SECISBP2L: variants seen among roughly 807,000 people sequenced by gnomAD.
SECISBP2L encodes selenocysteine insertion sequence-binding protein 2-like.
Under a neutral mutation model 114.7 loss-of-function variants are expected in SECISBP2L, and 43 were observed. The observed-to-expected ratio is 0.38, with a 90% CI of 0.29 to 0.48. The LOEUF is 0.48. Among genes scored for constraint, SECISBP2L ranks in the 20% least tolerant of loss-of-function variants. SECISBP2L has a pLI of 0.98. For synonymous variants in SECISBP2L, 451 were observed against 439.7 expected (o/e 1.03, Z -0.32); for missense variants, 1,136 against 1,301.1 (o/e 0.87, Z 1.95).
At chr15:49,015,513 A>G (rs1902519083) in intron 11 of SECISBP2L, among the ~76,000 whole-genome samples, 1 of 152,204 alleles carries the variant, frequency 6.6e-6, no homozygotes, top group Non-Finnish European at 1.5e-5. Flanking sequence ...ACACAGGATC[A>G]GAAGAAACAC....
rs756844146 is a variant in SECISBP2L, at chr15:49,035,473, T to C, written c.389A>G (p.Tyr130Cys). 6.8e-6 allele frequency: 11 copies of C among 1,613,848 alleles called. No homozygotes were observed. In the African/African-American group the frequency reaches 1.2e-4, roughly 18 times the overall value. ...MGFYHPFPTP[Y>C]SNTFQAANTV... ...ATTTGCAGCCTGAAAGGTGTTGGAG[T>C]AAGGTGTAGGAAAAGGATGATAGAA... Residue 130 changes from tyrosine (Y) to cysteine (C), a missense_variant, in exon 3 of 18, where the codon TAC (tyrosine) becomes TGC (cysteine). This residue lies in a region of SECISBP2L where 452 missense variants were observed against 452.3 expected (regional missense o/e 1.00). Coordinates refer to ENST00000559471, the MANE Select transcript of SECISBP2L (RefSeq NM_001193489.2).
At chr15:49,033,887 AT>A (rs1426571401) in intron 3 of SECISBP2L, among the ~76,000 whole-genome samples, 2 of 152,202 alleles carry the variant, frequency 1.3e-5, no homozygotes, top group Non-Finnish European at 2.9e-5. Context: ...ACTTTTAAAA[AT>A]ATAAGTATTC....
chr15:49,005,380 G>C (rs1902296090), intron 14 of SECISBP2L, among the ~76,000 whole-genome samples: 2 of 152,002 alleles, frequency 1.3e-5, no homozygotes, highest in South Asian at 2.1e-4. Context: ...TCTCTCTGTA[G>C]GTCTCTAAGG....
At chr15:49,020,532 G>A (rs954858522) in intron 7 of SECISBP2L, among the ~76,000 whole-genome samples, 1 of 151,204 alleles carries the variant, frequency 6.6e-6, no homozygotes, top group Non-Finnish European at 1.5e-5. Context: ...TTTTCAGTTA[G>A]GATCTTACTC....
Position 49,034,669 on chromosome 15 carries a change from G to GTTTTTTTTTTTT in SECISBP2L, c.528+653_528+664dup, listed in dbSNP as rs58267682. Among the ~76,000 whole-genome samples the GTTTTTTTTTTTT allele has an allele frequency of 7.6e-5, 10 of 132,128 alleles. 1 individual carries two copies. Among genetic ancestry groups the GTTTTTTTTTTTT allele is most frequent in the Non-Finnish European group, 9.5e-5 (6 of 63,380 alleles). 86.7% of individuals were successfully genotyped at this position (132,128 alleles called of 152,430 possible). On this transcript the variant is annotated intron_variant, in intron 3 of 17. Coordinates refer to ENST00000559471, the MANE Select transcript of SECISBP2L (RefSeq NM_001193489.2). ...TTTGAAGATTGAAAGTATATCTTTT[G>GTTTTTTTTTTTT]TTTTTTTTTTTTTGAGACAGGGTGT...
chr15:49,042,713 T>G (rs1903166658), intron 1 of SECISBP2L: 1 of 152,200 alleles, frequency 6.6e-6, no homozygotes. Context: ...CTACTTTTTA[T>G]TCTTTTTTGA....
chr15:49,025,856 A>C (rs1902730568), intron 7 of SECISBP2L, among the ~76,000 whole-genome samples: 1 of 152,210 alleles, frequency 6.6e-6, no homozygotes, highest in African/African-American at 2.4e-5. Flanking sequence ...AAGAACTGCC[A>C]TATGATCCAG....
chr15:49,035,597 G>T lies in SECISBP2L; in HGVS notation c.265C>A (p.Pro89Thr). ...GATATAATGGGATAGGCAAAGTATG[G>T]TCCAGTAGGGTTTGGATTGGGTTGT... is the stretch of plus-strand genomic sequence containing the variant. ...WQQPNPNPTG[P>T]YFAYPIISAQ... Residue 89 changes from proline to threonine, a missense_variant, in exon 3 of 18, where the codon CCA becomes ACA. Physicochemically the swap from Pro to Thr is conservative, Grantham distance 38. This residue lies in a region of SECISBP2L where 452 missense variants were observed against 452.3 expected (regional missense o/e 1.00). Transcript: ENST00000559471. 6.2e-7 allele frequency: 1 copy of T among 1,614,156 alleles called. No individual in the cohort carries two copies. The highest frequency in any genetic ancestry group is 8.5e-7 in the Non-Finnish European group (1 of 1,180,024).
intron 6 of SECISBP2L, among the ~76,000 whole-genome samples, 160 bp from the exon 7 acceptor site, chr15:49,027,640 C>T (rs1902774068): frequency 6.8e-6 from 1 of 146,806 alleles, no homozygotes; most frequent in Non-Finnish European, 1.5e-5. Context: ...CAGAGTTTCA[C>T]TCTTCTTGCC....
At chr15:49,037,895 A>C (rs1193541127) in intron 1 of SECISBP2L, 126 bp from the exon 2 acceptor site, 1 of 621,636 alleles carries the variant, frequency 1.6e-6, no homozygotes. Context: ...CATTCATAAA[A>C]CATCCAAAAG....
intron 16 of SECISBP2L, 92 bp from the exon 17 acceptor site, chr15:48,996,678 G>T: frequency 9.1e-7 from 1 of 1,094,638 alleles, no homozygotes; most frequent in South Asian, 1.5e-5. Flanking sequence ...TTTGTTTCAG[G>T]GTCAGACACT....
chr15:48,996,605 T>C lies in SECISBP2L; in HGVS notation c.2404-19A>G, dbSNP rs377252399. The C allele has an allele frequency of 7.1e-5, 113 of 1,597,990 alleles. 2 individuals are homozygous for C. Among genetic ancestry groups the C allele is most frequent in the African/African-American group, 1.1e-4 (8 of 74,262 alleles). ...ACAGGCTCTGAAAAGAAAGAGTATTTTGATTAATCCATTTTTTTGTTACAC... is the reference window on the plus strand; with the variant it reads ...ACAGGCTCTGAAAAGAAAGAGTATTCTGATTAATCCATTTTTTTGTTACAC... On this transcript the variant is annotated intron_variant, in intron 16 of 17. Coordinates refer to ENST00000559471, the MANE Select transcript of SECISBP2L (RefSeq NM_001193489.2).
intron 14 of SECISBP2L, among the ~76,000 whole-genome samples, chr15:49,003,575 T>C (rs59630062): frequency 0.17 from 26,296 of 152,186 alleles, 3,789 homozygotes; most frequent in African/African-American, 0.4. Flanking sequence ...GGCTGTGGGT[T>C]TGTCATAAAT....
At position 49,037,597 on chromosome 15, in the gene SECISBP2L, GA is replaced by G; in HGVS notation, c.196del (p.Ser66ProfsTer46). The G allele has an allele frequency of 1.2e-6, 2 of 1,612,808 alleles. No individual in the cohort carries two copies. Among genetic ancestry groups the G allele is most frequent in the Non-Finnish European group, 1.7e-6 (2 of 1,179,672 alleles). On this transcript the variant is annotated frameshift_variant, in exon 2 of 18. Transcript: ENST00000559471. LOFTEE classifies it high-confidence loss of function. ...ATAAAAATAAACAAATTACCTATTG[GA>G]CTGGTTTTCCTGCACAAATGGGTAA... ...TCYPFVQENQ[S>X]NRQFPLYNND...
Position 49,016,591 on chromosome 15 carries a change from T to G in SECISBP2L, c.1530A>C (p.Gln510His). ...ATGACAGAGGTCTGGTGTTAGTAAT[T>G]TGCCGTGCTTTCATTGCTTGCTGTT... ...EKQQQAMKARQITNTRPLSYT... is the reference protein window; with the variant it reads ...EKQQQAMKARHITNTRPLSYT... Residue 510 changes from glutamine to histidine, a missense_variant, in exon 11 of 18, where the codon CAA (glutamine) becomes CAC (histidine). This residue lies in a region of SECISBP2L where 684 missense variants were observed against 848.7 expected (regional missense o/e 0.81). Transcript: ENST00000559471. 6.2e-7 allele frequency: 1 copy of G among 1,610,926 alleles called. No homozygotes were observed.
intron 12 of SECISBP2L, 39 bp downstream of exon 12, chr15:49,012,609 C>A: frequency 1.3e-6 from 2 of 1,594,804 alleles, no homozygotes; most frequent in South Asian, 2.3e-5. Context: ...AATCCTTATT[C>A]ATCCTATAAA....
In SECISBP2L at chr15:49,017,024, A is replaced by G; in HGVS notation, c.1252-9T>C. On this transcript the variant is annotated splice_polypyrimidine_tract_variant and intron_variant, in intron 9 of 17. Coordinates refer to ENST00000559471, the MANE Select transcript of SECISBP2L (RefSeq NM_001193489.2). ...TCAGGTAAATCATCCAACTATGATA[A>G]CCAGAAAAAACACATTTGTTAGTGA... The G allele has an allele frequency of 6.2e-7, 1 of 1,607,640 alleles. No homozygotes were observed. Among genetic ancestry groups the G allele is most frequent in the Non-Finnish European group, 8.5e-7 (1 of 1,177,876 alleles).
At chr15:49,028,254 T>C (rs895087983) in intron 5 of SECISBP2L, 86 bp from the exon 6 acceptor site, 65 of 1,179,312 alleles carry the variant, frequency 5.5e-5, no homozygotes, top group Non-Finnish European at 7.7e-5. Flanking sequence ...TTTATCCTAG[T>C]GTGAAGCATG....
intron 3 of SECISBP2L, among the ~76,000 whole-genome samples, chr15:49,033,596 G>T (rs999196430): frequency 6.6e-6 from 1 of 152,020 alleles, no homozygotes; most frequent in Non-Finnish European, 1.5e-5. Context: ...CCAAACTCCT[G>T]GGCTCCTAGG....
Sources: allele counts gnomAD v4.1 joint callset (sites outside exome capture counted in the v4.1 genomes callset), GRCh38; gene constraint gnomAD v4.1.1; regional missense constraint gnomAD v4.1.1; transcripts MANE v1.5; gene names NCBI Gene and HGNC (gene_info 2026-07-23, HGNC 2026-07-21).